PATJ: variants seen among roughly 807,000 people sequenced by gnomAD.
PATJ encodes the protein inaD-like protein.
A neutral mutation model predicts 224.9 loss-of-function variants in PATJ; 190 were observed. That is an observed-to-expected ratio of 0.84 (90% confidence interval 0.75 to 0.95). The LOEUF (loss-of-function observed/expected upper bound fraction) is 0.95, where lower values mean the gene tolerates loss of function less well. Ranked by LOEUF, PATJ falls within the 40% of genes least tolerant of loss-of-function variation. The pLI, the probability that PATJ is intolerant of heterozygous loss-of-function variation, is 0.00. For synonymous variants in PATJ, 769 were observed against 820.3 expected (o/e 0.94, Z 1.07); for missense variants, 2,121 against 2,270.3 (o/e 0.93, Z 1.34).
intron 8 of PATJ, 141 bp downstream of exon 8, chr1:61,788,113 G>T: frequency 1.6e-6 from 1 of 621,744 alleles, no homozygotes; most frequent in Non-Finnish European, 2.8e-6. Flanking sequence ...AAAACTTATT[G>T]GGAGACATTA....
At chr1:61,801,541 C>T in intron 11 of PATJ, 82 bp from the exon 12 acceptor site, 1 of 744,124 alleles carries the variant, frequency 1.3e-6, no homozygotes, top group East Asian at 3.0e-5. Context: ...GTAAAATCTG[C>T]TCACTTAAAT....
intron 38 of PATJ, among the ~76,000 whole-genome samples, chr1:62,122,120 T>C (rs61777695): frequency 0.015 from 2,240 of 151,936 alleles, 21 homozygotes; most frequent in Non-Finnish European, 0.023. Flanking sequence ...ATCTTAGCAC[T>C]TTGGGAGGCC....
In PATJ at chr1:61,863,607, T is replaced by C. The variant is rs1407725601; in HGVS notation, c.2440-631T>C. On this transcript the variant is annotated intron_variant, in intron 19 of 43. Transcript: ENST00000642238. Reference sequence around the variant, plus strand: ...TTCTGCACATTTAGTTTCAGTGGTATGCACTAGCTGTTCTGATTAGTGAAA... The same window carrying C: ...TTCTGCACATTTAGTTTCAGTGGTACGCACTAGCTGTTCTGATTAGTGAAA... Among the ~76,000 whole-genome samples, 5 of 152,192 alleles carry C rather than the reference T, an allele frequency of 3.3e-5. No individual in the cohort carries two copies. The East Asian group carries it at 9.6e-4, about 29-fold the overall frequency.
chr1:61,816,117 C>G (rs577755229), intron 14 of PATJ, among the ~76,000 whole-genome samples: 1 of 152,078 alleles, frequency 6.6e-6, no homozygotes, highest in African/African-American at 2.4e-5. Context: ...TATTTCCTGA[C>G]CTGGAGAACA....
intron 27 of PATJ, among the ~76,000 whole-genome samples, chr1:61,984,802 A>G (rs1644655463): frequency 6.6e-6 from 1 of 152,024 alleles, no homozygotes; most frequent in Admixed American, 6.6e-5. Context: ...AACTTCAGCT[A>G]CTGGTATTTT....
At chr1:61,960,803 C>A (rs2482885) in intron 27 of PATJ, among the ~76,000 whole-genome samples, 1 of 152,052 alleles carries the variant, frequency 6.6e-6, no homozygotes, top group Non-Finnish European at 1.5e-5. Context: ...ATTTTGCTGA[C>A]CATTTTTCTC....
chr1:62,055,135 C>G (rs1654327552), intron 31 of PATJ, among the ~76,000 whole-genome samples: 1 of 151,918 alleles, frequency 6.6e-6, no homozygotes, highest in African/African-American at 2.4e-5. Context: ...CCCAAAATAA[C>G]CATATGTAAA....
chr1:62,073,231 C>T (rs970637922), intron 31 of PATJ: 11 of 985,262 alleles, frequency 1.1e-5, no homozygotes, highest in South Asian at 4.7e-5. Context: ...TGTCATGCAA[C>T]CTGAAATCAA....
chr1:61,842,734 C>T (rs939481443), intron 17 of PATJ, among the ~76,000 whole-genome samples: 2 of 135,486 alleles, frequency 1.5e-5, no homozygotes, highest in African/African-American at 5.5e-5. Context: ...GCATCTGTCC[C>T]TCATGTAATT....
chr1:61,796,747 TTC>T (rs1651379080), intron 10 of PATJ, among the ~76,000 whole-genome samples: 1 of 145,244 alleles, frequency 6.9e-6, no homozygotes, highest in Non-Finnish European at 1.5e-5. Context: ...TTTCTTTTTT[TTC>T]TTCCTTTCTT....
chr1:61,827,645 A>T, intron 16 of PATJ, 62 bp downstream of exon 16: 2 of 1,497,640 alleles, frequency 1.3e-6, no homozygotes, highest in Non-Finnish European at 1.8e-6. Context: ...TGCCCCGAAG[A>T]CTGTGCTGCA....
intron 31 of PATJ, among the ~76,000 whole-genome samples, chr1:62,051,516 G>A (rs544718394): frequency 2.4e-4 from 37 of 152,198 alleles, no homozygotes; most frequent in East Asian, 1.2e-3. Context: ...TAGTAGGGAC[G>A]GGATTTTGCC....
intron 27 of PATJ, among the ~76,000 whole-genome samples, chr1:61,972,419 C>T (rs1370756129): frequency 6.6e-6 from 1 of 151,944 alleles, no homozygotes. Flanking sequence ...TCTCATAATA[C>T]TATTTTTAAG....
At chr1:62,043,726 T>G (rs1482466430) in intron 30 of PATJ, among the ~76,000 whole-genome samples, 1 of 151,246 alleles carries the variant, frequency 6.6e-6, no homozygotes, top group Non-Finnish European at 1.5e-5. Context: ...GGTTTTGGTT[T>G]GGGGGGGGCA....
chr1:61,991,095 A>G (rs1020101359), intron 28 of PATJ, among the ~76,000 whole-genome samples: 12 of 152,220 alleles, frequency 7.9e-5, no homozygotes, highest in African/African-American at 2.9e-4. Context: ...AGAGATGAAT[A>G]CATCCAGTTC....
chr1:61,810,570 A>T lies in PATJ; in HGVS notation c.1683+2040A>T, dbSNP rs138388192. ...AACTTAGCCGGGCATGGTGGCATGC[A>T]CCTGTAGCCCCAGCTACTTGGTAGG... On this transcript the variant is annotated intron_variant, in intron 14 of 43. Coordinates refer to ENST00000642238, the MANE Select transcript of PATJ (RefSeq NM_001350145.3). 1.2e-4 allele frequency among the ~76,000 whole-genome samples: 19 copies of T among 152,014 alleles called. No homozygotes were observed. In the East Asian group the frequency reaches 3.5e-3, roughly 28 times the overall value.
chr1:62,054,406 C>T (rs1654192197), intron 31 of PATJ: 1 of 406,410 alleles, frequency 2.5e-6, no homozygotes, highest in Admixed American at 2.7e-5. Context: ...TAAGCCGTGG[C>T]CTATGCATAC....
At position 61,827,962 on chromosome 1, in the gene PATJ, C is replaced by T. The variant is rs556239818; in HGVS notation, c.1980+379C>T. Among the ~76,000 whole-genome samples the T allele has an allele frequency of 2.0e-5, 3 of 152,184 alleles. No homozygotes were observed. In the East Asian group the frequency reaches 5.8e-4, roughly 29 times the overall value. Reference sequence around the variant, plus strand: ...TTTTAAGAGCCTTAAAATTATGAAACTCAGCCGGGCGCGGTGGCTCACACC... The same window carrying T: ...TTTTAAGAGCCTTAAAATTATGAAATTCAGCCGGGCGCGGTGGCTCACACC... On this transcript the variant is annotated intron_variant, in intron 16 of 43. Coordinates refer to ENST00000642238, the MANE Select transcript of PATJ (RefSeq NM_001350145.3).
chr1:62,152,327 C>A (rs968540988), intron 42 of PATJ, among the ~76,000 whole-genome samples: 3 of 148,754 alleles, frequency 2.0e-5, no homozygotes, highest in Non-Finnish European at 4.6e-5. Flanking sequence ...TGAGTTCCTG[C>A]CTTAGGTGGA....
Sources: allele counts gnomAD v4.1 joint callset (sites outside exome capture counted in the v4.1 genomes callset), GRCh38; gene constraint gnomAD v4.1.1; transcripts MANE v1.5; gene names NCBI Gene and HGNC (gene_info 2026-07-23, HGNC 2026-07-21).